ARID3B: variants seen among roughly 807,000 people sequenced by gnomAD.
ARID3B encodes the protein AT-rich interaction domain 3B.
In ARID3B, 10 loss-of-function variants were observed where a neutral mutation model predicts 51.9. The ratio of observed to expected loss-of-function variants is 0.19; its 90% CI spans 0.12 to 0.33. ARID3B has a LOEUF of 0.33. Ranked by LOEUF, ARID3B falls within the 10% of genes least tolerant of loss-of-function variation. The pLI is 1.00. For missense variants in ARID3B, 483 were observed against 716.3 expected (o/e 0.67, Z 3.72); for synonymous variants, 205 against 279.5 (o/e 0.73, Z 2.66).
intron 2 of ARID3B, among the ~76,000 whole-genome samples, chr15:74,545,727 C>G (rs1178242999): frequency 6.6e-6 from 1 of 152,156 alleles, no homozygotes; most frequent in African/African-American, 2.4e-5. Flanking sequence ...AAGAAAGGTC[C>G]TTTGGAACCC....
At position 74,591,873 on chromosome 15, in the gene ARID3B, T is replaced by C. The variant is rs2061805293; in HGVS notation, c.1420+59T>C. 6.3e-7 allele frequency: 1 copy of C among 1,576,610 alleles called. No individual in the cohort carries two copies. The highest frequency in any genetic ancestry group is 1.3e-5 in the African/African-American group (1 of 74,292). Reference sequence around the variant, plus strand: ...TGGAAACCCCAAGCCCATTCACGCCTCCTGGGACTGGTGGGGCAGGGGTGG... The same window carrying C: ...TGGAAACCCCAAGCCCATTCACGCCCCCTGGGACTGGTGGGGCAGGGGTGG... On this transcript the variant is annotated intron_variant, in intron 7 of 8. Coordinates refer to ENST00000346246, the MANE Select transcript of ARID3B (RefSeq NM_006465.4). This position sits in a 1 kb window ranked among gnomAD's most constrained non-coding sequence, Gnocchi z 5.8.
intron 2 of ARID3B, among the ~76,000 whole-genome samples, chr15:74,563,806 A>G (rs12439113): frequency 0.23 from 35,298 of 152,160 alleles, 5,373 homozygotes; most frequent in East Asian, 0.55. Flanking sequence ...CCTTGGTATC[A>G]GGGTGTCCTC....
At chr15:74,566,731 C>T (rs766878631) in intron 2 of ARID3B, among the ~76,000 whole-genome samples, 3 of 151,966 alleles carry the variant, frequency 2.0e-5, no homozygotes, top group Non-Finnish European at 4.4e-5. Context: ...TAAGTCGTGA[C>T]AAATGGTTCA....
chr15:74,591,236 C>T lies in ARID3B; in HGVS notation c.967C>T (p.Arg323Cys), dbSNP rs770445187. The change falls in exon 6 of 9, where the codon CGC becomes TGC. Residue 323 changes from arginine (R) to cysteine (C), a missense_variant. By Grantham distance (180) the Arg-to-Cys change is radical (BLOSUM62 -3). This residue lies in a region of ARID3B where 265 missense variants were observed against 354.4 expected (regional missense o/e 0.75). Coordinates refer to ENST00000346246, the MANE Select transcript of ARID3B (RefSeq NM_006465.4). This position sits in a 1 kb window ranked among gnomAD's most constrained non-coding sequence, Gnocchi z 5.8. ...AELQAAIDGN[R>C]REGRRPSYSS... ...GCTCCAGGCAGCAATTGATGGCAAC[C>T]GCAGGGAGGGCCGGCGGCCCAGCTA... The T allele has an allele frequency of 2.5e-6, 4 of 1,613,786 alleles. No homozygotes were observed. Among genetic ancestry groups the T allele is most frequent in the Non-Finnish European group, 2.5e-6 (3 of 1,179,858 alleles).
intron 4 of ARID3B, 31 bp from the exon 5 acceptor site, chr15:74,589,789 G>A (rs751271584): frequency 3.2e-6 from 5 of 1,579,002 alleles, no homozygotes; most frequent in Non-Finnish European, 1.7e-6. Context: ...TGATGATCCC[G>A]CTGTCTCTTT....
At chr15:74,577,587 C>T (rs1426489213) in intron 4 of ARID3B, among the ~76,000 whole-genome samples, 9 of 152,184 alleles carry the variant, frequency 5.9e-5, no homozygotes, top group Admixed American at 1.3e-4. Flanking sequence ...GTGGCGCAAT[C>T]ATGGCTCATC....
chr15:74,542,964 T>C (rs1006400342), intron 1 of ARID3B, among the ~76,000 whole-genome samples: 1 of 152,164 alleles, frequency 6.6e-6, no homozygotes, highest in Non-Finnish European at 1.5e-5. Context: ...TTTCTTTTTG[T>C]GTTTGTCAGA....
In ARID3B at chr15:74,597,186, T is replaced by G. The variant is rs2061830344; in HGVS notation, c.*1412T>G. 1 of 297,730 alleles carries G rather than the reference T, an allele frequency of 3.4e-6. No individual in the cohort carries two copies. Among genetic ancestry groups the G allele is most frequent in the Non-Finnish European group, 6.4e-6 (1 of 157,064 alleles). The allele number at this position is 297,730 out of a possible 1,614,324, so 18.4% of individuals were successfully genotyped here. A position where few individuals can be genotyped will look rare whatever the true frequency, so the allele number is the denominator to read the frequency against. ...CCCAGGGTATGAGGAGATGAATAAC[T>G]CCACAGCTCCTCCTGGACCCTGCGC... On this transcript the variant is annotated 3_prime_UTR_variant, in exon 9 of 9. Transcript: ENST00000346246.
chr15:74,551,561 C>T (rs1414710181), intron 2 of ARID3B, among the ~76,000 whole-genome samples: 2 of 152,200 alleles, frequency 1.3e-5, no homozygotes, highest in Admixed American at 1.3e-4. Context: ...AGTGAACCCT[C>T]CATTTCCTGA....
rs528682504 is a variant in ARID3B, at chr15:74,557,783, G to T, written c.552+13295G>T. 2.7e-5 allele frequency among the ~76,000 whole-genome samples: 4 copies of T among 146,092 alleles called. No individual in the cohort carries two copies. The South Asian group carries it at 6.5e-4, about 24-fold the overall frequency. ...TTTTTCTTTTTGACTCTGCTATTCTGCACTTTAATTACAGTATTCTAGGTT... is the reference window on the plus strand; with the variant it reads ...TTTTTCTTTTTGACTCTGCTATTCTTCACTTTAATTACAGTATTCTAGGTT... On this transcript the variant is annotated intron_variant, in intron 2 of 8. Transcript: ENST00000346246.
intron 2 of ARID3B, 36 bp downstream of exon 2, chr15:74,544,524 C>A (rs1383687879): frequency 6.3e-7 from 1 of 1,587,610 alleles, no homozygotes; most frequent in Admixed American, 1.7e-5. Context: ...ATTTGGTCTT[C>A]CTGAAGGCCA....
intron 2 of ARID3B, among the ~76,000 whole-genome samples, chr15:74,545,672 T>C (rs2061613031): frequency 6.6e-6 from 1 of 152,224 alleles, no homozygotes; most frequent in African/African-American, 2.4e-5. Flanking sequence ...TAGAAATCAT[T>C]TGTGAAAAGC....
Position 74,593,858 on chromosome 15 carries a change from T to C in ARID3B, c.1519+622T>C, listed in dbSNP as rs1316139750. Among the ~76,000 whole-genome samples the C allele has an allele frequency of 2.0e-5, 3 of 151,170 alleles. No individual in the cohort carries two copies. The East Asian group carries it at 5.9e-4, about 29-fold the overall frequency. On this transcript the variant is annotated intron_variant, in intron 8 of 8. Coordinates refer to ENST00000346246, the MANE Select transcript of ARID3B (RefSeq NM_006465.4). Reference sequence around the variant, plus strand: ...GAGTTTGAGACCAGCCTGAGCAACATAGCAAAATCCCAAATCTACAAAATA... The same window carrying C: ...GAGTTTGAGACCAGCCTGAGCAACACAGCAAAATCCCAAATCTACAAAATA...
Position 74,591,092 on chromosome 15 carries a change from A to G in ARID3B, c.882-59A>G, listed in dbSNP as rs2061800951. 2.0e-6 allele frequency: 3 copies of G among 1,535,138 alleles called. No individual in the cohort carries two copies. Among genetic ancestry groups the G allele is most frequent in the Non-Finnish European group, 2.6e-6 (3 of 1,137,280 alleles). ...TGCTTCCAGAGACCCACCAACCTCAACTGGGTGGTCTCTGGTGCTGTTTTG... is the reference window on the plus strand; with the variant it reads ...TGCTTCCAGAGACCCACCAACCTCAGCTGGGTGGTCTCTGGTGCTGTTTTG... On this transcript the variant is annotated intron_variant, in intron 5 of 8. Coordinates refer to ENST00000346246, the MANE Select transcript of ARID3B (RefSeq NM_006465.4). The surrounding 1 kb of genome is among the most constrained non-coding windows in gnomAD (Gnocchi z 5.8).
At chr15:74,563,354 G>A (rs1268297321) in intron 2 of ARID3B, among the ~76,000 whole-genome samples, 2 of 152,202 alleles carry the variant, frequency 1.3e-5, no homozygotes, top group Non-Finnish European at 2.9e-5. Context: ...CTGTGACTGT[G>A]TTCTGCCTGA....
intron 4 of ARID3B, among the ~76,000 whole-genome samples, chr15:74,580,818 G>A (rs1167615475): frequency 1.3e-5 from 2 of 152,204 alleles, no homozygotes; most frequent in Admixed American, 1.3e-4. Flanking sequence ...AGCATTCACC[G>A]CCTCCAAGAG....
intron 2 of ARID3B, among the ~76,000 whole-genome samples, chr15:74,557,083 CTTTATTTACTAACTTTTTTT>C (rs2061661230): frequency 6.6e-6 from 1 of 151,850 alleles, no homozygotes; most frequent in African/African-American, 2.4e-5. Context: ...CCTCCTTTTT[CTTTATTTACTAACTTTTTTT>C]AGCAGAGACT....
At position 74,595,931 on chromosome 15, in the gene ARID3B, G is replaced by A; in HGVS notation, c.*157G>A. 2 of 817,948 alleles carry A rather than the reference G, an allele frequency of 2.4e-6. No individual in the cohort carries two copies. Among genetic ancestry groups the A allele is most frequent in the Non-Finnish European group, 3.7e-6 (2 of 539,162 alleles). 50.7% of individuals were successfully genotyped at this position (817,948 alleles called of 1,614,324 possible). On this transcript the variant is annotated 3_prime_UTR_variant, in exon 9 of 9. Transcript: ENST00000346246. Reference sequence around the variant, plus strand: ...GTCCGTCTGTCCAGGCTCCATTCAGGTCCTGCTGTACTCTGGGGGCAGGGA... The same window carrying A: ...GTCCGTCTGTCCAGGCTCCATTCAGATCCTGCTGTACTCTGGGGGCAGGGA...
At chr15:74,584,138 C>T (rs1046649395) in intron 4 of ARID3B, among the ~76,000 whole-genome samples, 3 of 152,174 alleles carry the variant, frequency 2.0e-5, no homozygotes, top group African/African-American at 7.2e-5. Flanking sequence ...TTGATCCTGT[C>T]GCCCAGGTTG....
Sources: gnomAD v4.1 joint callset for allele counts (sites outside exome capture counted in the v4.1 genomes callset) on GRCh38, gnomAD v4.1.1 for gene constraint, gnomAD v4.1.1 regional missense constraint, Gnocchi (gnomAD v3.1) non-coding constraint, MANE v1.5 for transcripts, NCBI Gene and HGNC (gene_info 2026-07-23, HGNC 2026-07-21) for gene names.